The following FSHR variants were observed in gnomAD, a reference collection of about 807,000 sequenced individuals.
The protein encoded by FSHR is follicle stimulating hormone receptor, also known as follicle-stimulating hormone receptor.
Under a neutral mutation model 52.1 loss-of-function variants are expected in FSHR, and 46 were observed. The observed-to-expected ratio is 0.88, with a 90% CI of 0.70 to 1.13. The LOEUF is 1.13. Ranked by LOEUF, FSHR falls within the 50% of genes most tolerant of loss-of-function variation. The pLI is 0.00. For missense variants in FSHR, 964 were observed against 834.6 expected, an observed-to-expected ratio of 1.16 and a Z score of -1.91; for synonymous variants, 399 against 309.6, an observed-to-expected ratio of 1.29 and a Z score of -3.03.
intron 1 of FSHR, among the ~76,000 whole-genome samples, chr2:49,093,172 C>T (rs1049419152): frequency 6.6e-6 from 1 of 152,066 alleles, no homozygotes; most frequent in South Asian, 2.1e-4. Flanking sequence ...AGAGTAATGC[C>T]GGCTTTGTAA....
chr2:49,080,177 C>T (rs1670114453), intron 1 of FSHR, among the ~76,000 whole-genome samples: 1 of 152,100 alleles, frequency 6.6e-6, no homozygotes, highest in Admixed American at 6.6e-5. Context: ...TATTGGTGAA[C>T]ATTGAAAGGA....
In FSHR at chr2:49,022,887, T is replaced by C. The variant is rs375056326; in HGVS notation, c.225-2727A>G. On this transcript the variant is annotated intron_variant, in intron 2 of 9. Transcript: ENST00000406846. ...TTCTAGGACAGCGCTTCTCAAATGC[T>C]AACACACATGAGAACCACCTAGAGA... Among the ~76,000 whole-genome samples the C allele has an allele frequency of 9.2e-5, 14 of 152,310 alleles. No individual in the cohort carries two copies. The East Asian group carries it at 2.3e-3, about 25-fold the overall frequency.
chr2:49,062,571 T>A (rs1475011761), intron 2 of FSHR, among the ~76,000 whole-genome samples: 1 of 151,858 alleles, frequency 6.6e-6, no homozygotes, highest in African/African-American at 2.4e-5. Context: ...CAAATGGCAT[T>A]ATGTTAAATT....
intron 2 of FSHR, among the ~76,000 whole-genome samples, chr2:49,058,382 A>G (rs1247321785): frequency 6.6e-6 from 1 of 152,112 alleles, no homozygotes; most frequent in Non-Finnish European, 1.5e-5. Context: ...CCCTGTCTCT[A>G]CTAAAATACA....
At chr2:49,129,186 T>C (rs2103805835) in intron 1 of FSHR, among the ~76,000 whole-genome samples, 1 of 152,248 alleles carries the variant, frequency 6.6e-6, no homozygotes, top group Non-Finnish European at 1.5e-5. Flanking sequence ...TCCACTGAAT[T>C]GCTCATGTCA....
rs75480269 is a variant in FSHR at position 49,119,545 on chromosome 2, G to A, written c.152+34721C>T. On this transcript the variant is annotated intron_variant, in intron 1 of 9. Transcript: ENST00000406846. ...TTTTTCTTTCCTTTTTTGCAATGGC[G>A]CATTTTAGATCCTTGGTTTGTTTCG... is the stretch of plus-strand genomic sequence containing the variant. Among the ~76,000 whole-genome samples the A allele has an allele frequency of 4.5e-4, 68 of 151,640 alleles. 2 individuals are homozygous for A. In the East Asian group the frequency reaches 0.01, roughly 22 times the overall value.
At chr2:49,084,102 T>A (rs1670282495) in intron 1 of FSHR, among the ~76,000 whole-genome samples, 2 of 151,670 alleles carry the variant, frequency 1.3e-5, no homozygotes, top group Non-Finnish European at 2.9e-5. Context: ...GAAGTAAAGC[T>A]CTCCTCAGCA....
intron 1 of FSHR, among the ~76,000 whole-genome samples, chr2:49,094,554 A>C (rs1032956152): frequency 3.9e-5 from 6 of 152,072 alleles, no homozygotes; most frequent in Non-Finnish European, 7.4e-5. Flanking sequence ...TTTGAAGTCT[A>C]TTTTCACAGG....
intron 1 of FSHR, among the ~76,000 whole-genome samples, chr2:49,104,352 G>T (rs572761443): frequency 1.3e-5 from 2 of 152,182 alleles, no homozygotes; most frequent in African/African-American, 2.4e-5. Context: ...CCACAGAGAG[G>T]CCCCCTGAAC....
chr2:48,965,176 G>A (rs899126672), intron 9 of FSHR, among the ~76,000 whole-genome samples: 1 of 152,070 alleles, frequency 6.6e-6, no homozygotes, highest in Non-Finnish European at 1.5e-5. Context: ...GAGTGGAGGA[G>A]GTAAAGACTC....
intron 8 of FSHR, among the ~76,000 whole-genome samples, chr2:48,976,281 A>AT (rs1267833175): frequency 6.6e-6 from 1 of 152,116 alleles, no homozygotes; most frequent in Non-Finnish European, 1.5e-5. Flanking sequence ...TATGTGATGG[A>AT]TTATGTTTAT....
At chr2:49,091,665 A>C (rs1297616236) in intron 1 of FSHR, among the ~76,000 whole-genome samples, 1 of 152,204 alleles carries the variant, frequency 6.6e-6, no homozygotes, top group Admixed American at 6.5e-5. Context: ...TTTGCTGATG[A>C]ATTACGTTAG....
intron 1 of FSHR, among the ~76,000 whole-genome samples, chr2:49,071,629 C>G (rs1318301558): frequency 6.6e-6 from 1 of 152,118 alleles, no homozygotes; most frequent in Non-Finnish European, 1.5e-5. Flanking sequence ...ATTTGTGTTG[C>G]TATAAAGGAA....
chr2:48,982,620 C>T (rs966744340), intron 8 of FSHR, among the ~76,000 whole-genome samples: 2 of 152,174 alleles, frequency 1.3e-5, no homozygotes, highest in African/African-American at 4.8e-5. Context: ...ATAGCTCCTA[C>T]CACAGGGGGT....
intron 4 of FSHR, among the ~76,000 whole-genome samples, chr2:49,004,619 T>C (rs922700013): frequency 6.6e-6 from 1 of 152,164 alleles, no homozygotes; most frequent in African/African-American, 2.4e-5. Context: ...TCTTGAAGCA[T>C]ATTTTGTTAT....
intron 4 of FSHR, among the ~76,000 whole-genome samples, chr2:49,007,268 G>T (rs1011964126): frequency 6.6e-6 from 1 of 152,106 alleles, no homozygotes; most frequent in Non-Finnish European, 1.5e-5. Context: ...CCTGTCAGAA[G>T]AGCCCTATAA....
chr2:48,976,847 A>G (rs771880624), intron 8 of FSHR, among the ~76,000 whole-genome samples: 5 of 151,770 alleles, frequency 3.3e-5, no homozygotes, highest in Non-Finnish European at 2.9e-5. Flanking sequence ...ATCATTTTTT[A>G]TTGTGTTTAT....
chr2:49,055,873 T>C (rs1669043627), intron 2 of FSHR, among the ~76,000 whole-genome samples: 1 of 151,972 alleles, frequency 6.6e-6, no homozygotes, highest in South Asian at 2.1e-4. Context: ...AGGGAATTGA[T>C]CACAACTAGA....
intron 6 of FSHR, among the ~76,000 whole-genome samples, chr2:48,987,317 C>T (rs868149797): frequency 3.3e-5 from 5 of 152,236 alleles, no homozygotes; most frequent in Middle Eastern, 3.4e-3. Flanking sequence ...GATTCCCCTG[C>T]CTCACCCTCC....
Sources: allele counts gnomAD v4.1 joint callset (sites outside exome capture counted in the v4.1 genomes callset), GRCh38; gene constraint gnomAD v4.1.1; transcripts MANE v1.5; gene names NCBI Gene and HGNC (gene_info 2026-07-23, HGNC 2026-07-21).